Variants in ECT2 observed in about 807,000 individuals in gnomAD.
The protein encoded by ECT2 is epithelial cell transforming 2, also known as protein ECT2.
A neutral mutation model predicts 116.9 loss-of-function variants in ECT2; 61 were observed. That is an observed-to-expected ratio of 0.52 (90% CI 0.42 to 0.65). ECT2 has a LOEUF of 0.65. Among genes scored for constraint, ECT2 ranks in the 30% least tolerant of loss-of-function variants. The pLI is 0.00. For synonymous variants in ECT2, 358 were observed against 346.4 expected (o/e 1.03, Z -0.37); for missense variants, 937 against 1,078.7 (o/e 0.87, Z 1.84).
downstream of ECT2, among the ~76,000 whole-genome samples, chr3:172,826,358 G>A (rs950868004): frequency 5.3e-5 from 8 of 152,102 alleles, no homozygotes; most frequent in African/African-American, 1.7e-4. Flanking sequence ...AATAGACTTT[G>A]CTTGTGCTCT....
chr3:172,808,198 T>G (rs1728118043), intron 22 of ECT2, among the ~76,000 whole-genome samples: 2 of 152,130 alleles, frequency 1.3e-5, no homozygotes, highest in African/African-American at 4.8e-5. Flanking sequence ...GGACTTCTTG[T>G]AATGTACCCT....
chr3:172,782,249 T>C lies in ECT2; in HGVS notation c.1617+18T>C. 1 of 1,420,156 alleles carries C rather than the reference T, an allele frequency of 7.0e-7. No homozygotes were observed. 88.0% of individuals were successfully genotyped at this position (1,420,156 alleles called of 1,614,324 possible). A position where few individuals can be genotyped will look rare whatever the true frequency, so the allele number is the denominator to read the frequency against. ...TGAAATATGTAAGTATTGTATTTCT[T>C]TTTTAAGTTTTCAGATTAAAATATG... On this transcript the variant is annotated intron_variant, in intron 15 of 24. Transcript: ENST00000392692.
chr3:172,761,583 A>G, intron 7 of ECT2, 27 bp from the exon 8 acceptor site: 1 of 1,532,664 alleles, frequency 6.5e-7, no homozygotes, highest in Non-Finnish European at 9.0e-7. Context: ...TTAAGGAGAA[A>G]ATTCACTGTA....
At chr3:172,823,112 TAGAA>T (rs1730753203), downstream of ECT2, among the ~76,000 whole-genome samples, 1 of 152,022 alleles carries the variant, frequency 6.6e-6, no homozygotes. Flanking sequence ...TGTTTATGAA[TAGAA>T]AGATGTAAAA....
At chr3:172,810,445 G>A (rs1728570106) in intron 22 of ECT2, among the ~76,000 whole-genome samples, 1 of 152,120 alleles carries the variant, frequency 6.6e-6, no homozygotes, top group Admixed American at 6.6e-5. Context: ...AAAAGTTTGT[G>A]CTTGTATGCC....
downstream of ECT2, among the ~76,000 whole-genome samples, chr3:172,825,825 G>T (rs886646222): frequency 6.6e-6 from 1 of 152,224 alleles, no homozygotes; most frequent in African/African-American, 2.4e-5. Context: ...ACTGAAGAAG[G>T]TGGCTATGCT....
Position 172,820,395 on chromosome 3 carries a change from A to G in ECT2, c.*158A>G, listed in dbSNP as rs1730540864. On this transcript the variant is annotated 3_prime_UTR_variant, in exon 25 of 25. Transcript: ENST00000392692. ...TTTGATTTTTCTTCTTGAAAGAGTAAGGTTTACCTGTTACATTTTCAAGTT... is the reference window on the plus strand; with the variant it reads ...TTTGATTTTTCTTCTTGAAAGAGTAGGGTTTACCTGTTACATTTTCAAGTT... The G allele has an allele frequency of 2.4e-6, 1 of 420,512 alleles. No homozygotes were observed. Among genetic ancestry groups the G allele is most frequent in the Non-Finnish European group, 4.1e-6 (1 of 242,316 alleles). The allele number at this position is 420,512 out of a possible 1,614,324, so 26.0% of individuals were successfully genotyped here.
intron 24 of ECT2, among the ~76,000 whole-genome samples, chr3:172,818,097 T>C (rs1698228901): frequency 6.6e-6 from 1 of 152,138 alleles, no homozygotes; most frequent in African/African-American, 2.4e-5. Context: ...ATTTATAAAA[T>C]TTCCGCAGGT....
intron 13 of ECT2, among the ~76,000 whole-genome samples, chr3:172,770,304 A>G (rs1720368974): frequency 6.6e-6 from 1 of 152,220 alleles, no homozygotes; most frequent in Non-Finnish European, 1.5e-5. Flanking sequence ...TTAGAAATGT[A>G]AATTCTTTCA....
At chr3:172,819,229 G>C (rs983573993) in intron 24 of ECT2, among the ~76,000 whole-genome samples, 1 of 151,888 alleles carries the variant, frequency 6.6e-6, no homozygotes, top group Admixed American at 6.6e-5. Flanking sequence ...CATCAACCCA[G>C]CTTTTTAAAT....
chr3:172,792,736 G>A (rs1438216270), intron 18 of ECT2, among the ~76,000 whole-genome samples: 4 of 151,824 alleles, frequency 2.6e-5, no homozygotes. Flanking sequence ...TTTGGTGGAG[G>A]GGGTGGTATC....
rs558259600 is a variant in ECT2, at chr3:172,795,570, A to T, written c.1908-7046A>T. On this transcript the variant is annotated intron_variant, in intron 18 of 24. Transcript: ENST00000392692. ...CCCATGTATTTCACTTTAGGTTCTT[A>T]CTTAGGTAAATATCTGATATTAACA... is the stretch of plus-strand genomic sequence containing the variant. Among the ~76,000 whole-genome samples the T allele has an allele frequency of 9.9e-5, 15 of 152,094 alleles. No individual in the cohort carries two copies. The East Asian group carries it at 2.9e-3, about 29-fold the overall frequency.
intron 13 of ECT2, among the ~76,000 whole-genome samples, chr3:172,773,679 T>C (rs1245639001): frequency 6.6e-6 from 1 of 152,210 alleles, no homozygotes; most frequent in Non-Finnish European, 1.5e-5. Flanking sequence ...TTGCTTCTAA[T>C]GACATTTCAT....
intron 24 of ECT2, 110 bp downstream of exon 24, chr3:172,816,947 AATTTT>A: frequency 1.2e-6 from 1 of 866,424 alleles, no homozygotes; most frequent in East Asian, 2.9e-5. Flanking sequence ...AAATTTTAAT[AATTTT>A]ATTTAACCCA....
chr3:172,808,722 T>A (rs1560019578), intron 22 of ECT2, among the ~76,000 whole-genome samples: 1 of 152,188 alleles, frequency 6.6e-6, no homozygotes, highest in Non-Finnish European at 1.5e-5. Context: ...CCCTTTTCGG[T>A]ACAATGGTAC....
chr3:172,790,068 C>T (rs1050404095), intron 18 of ECT2, among the ~76,000 whole-genome samples: 28 of 151,908 alleles, frequency 1.8e-4, no homozygotes, highest in African/African-American at 6.0e-4. Flanking sequence ...TTTTTTCTCC[C>T]TCGCCTCTCT....
At position 172,786,512 on chromosome 3, in the gene ECT2, T is replaced by C; in HGVS notation, c.1845T>C (p.Ala615=). The C allele has an allele frequency of 1.1e-5, 17 of 1,610,156 alleles. No homozygotes were observed. The highest frequency in any genetic ancestry group is 1.4e-5 in the Non-Finnish European group (17 of 1,177,242). The change falls in exon 18 of 25, where the codon GCT becomes GCC. Residue 615 remains alanine (A), a synonymous_variant. Coordinates refer to ENST00000392692, the MANE Select transcript of ECT2 (RefSeq NM_001258315.2). ...TTACAGATCTTAAGAAGCATACAGC[T>C]GATGAAAATCCAGACAAAAGCACTT... is the stretch of plus-strand genomic sequence containing the variant. ...LLLNDLKKHT[A]DENPDKSTLE...
At chr3:172,754,734 T>G in intron 2 of ECT2, 74 bp downstream of exon 2, 1 of 1,150,552 alleles carries the variant, frequency 8.7e-7, no homozygotes, top group Non-Finnish European at 1.2e-6. Context: ...TTCTTAAGAT[T>G]TAATTTTAAT....
intron 1 of ECT2, among the ~76,000 whole-genome samples, chr3:172,751,983 A>G (rs1715952186): frequency 6.6e-6 from 1 of 152,186 alleles, no homozygotes; most frequent in South Asian, 2.1e-4. Context: ...CATATACAGT[A>G]TCATCAGGGG....
Sources: allele counts gnomAD v4.1 joint callset (sites outside exome capture counted in the v4.1 genomes callset), GRCh38; gene constraint gnomAD v4.1.1; transcripts MANE v1.5; gene names NCBI Gene and HGNC (gene_info 2026-07-23, HGNC 2026-07-21).